GOLGA1: variants seen among roughly 807,000 people sequenced by gnomAD.
GOLGA1 encodes the protein golgin subfamily A member 1.
A neutral mutation model predicts 119.7 loss-of-function variants in GOLGA1; 63 were observed. That is an observed-to-expected ratio of 0.53 (90% CI 0.43 to 0.65). GOLGA1 has a LOEUF of 0.65. GOLGA1 is among the 30% of genes least tolerant of loss of function. The pLI is 0.00. For synonymous variants in GOLGA1, 318 were observed against 333.4 expected (o/e 0.95, Z 0.50); for missense variants, 798 against 912.8 (o/e 0.87, Z 1.62).
rs1271196968 is a variant in GOLGA1, at chr9:124,900,543, C to G, written c.1070G>C (p.Arg357Thr). ...GGCCTGCAAGGTCTGCTCCAGTTCT[C>G]TCACCTGAGAGGGAAGCAGAAGCAT... ...KAINTLETRV[R>T]ELEQTLQASE... The change falls in exon 13 of 23, where the codon AGA (arginine) becomes ACA (threonine). Residue 357 changes from arginine to threonine, a missense_variant. Coordinates refer to ENST00000373555, the MANE Select transcript of GOLGA1 (RefSeq NM_002077.4). 2.6e-6 allele frequency: 4 copies of G among 1,533,584 alleles called. No individual in the cohort carries two copies. In the African/African-American group the frequency reaches 5.5e-5, roughly 21 times the overall value. The allele number at this position is 1,533,584 out of a possible 1,614,324, so 95.0% of individuals were successfully genotyped here.
At position 124,898,568 on chromosome 9, in the gene GOLGA1, A is replaced by G; in HGVS notation, c.1388T>C (p.Phe463Ser). ...AAATACCTTCAGCTTCTTTAGTTCA[A>G]ATTGGTGATTTTGTAAAGAACGTTC... is the stretch of plus-strand genomic sequence containing the variant. ...EYERSLQNHQ[F>S]ELKKLKEEWS... The change falls in exon 15 of 23, where the codon TTT (phenylalanine) becomes TCT (serine). Residue 463 changes from phenylalanine to serine, a missense_variant. Transcript: ENST00000373555. 1 of 1,594,986 alleles carries G rather than the reference A, an allele frequency of 6.3e-7. No homozygotes were observed. Among genetic ancestry groups the G allele is most frequent in the East Asian group, 2.2e-5 (1 of 44,766 alleles).
intron 8 of GOLGA1, 52 bp downstream of exon 8, chr9:124,923,043 A>G: frequency 1.6e-6 from 2 of 1,289,244 alleles, no homozygotes; most frequent in Non-Finnish European, 2.2e-6. Flanking sequence ...TAGTAAAATC[A>G]GAGTGAATAA....
At chr9:124,889,987 A>T (rs1315932779) in intron 16 of GOLGA1, among the ~76,000 whole-genome samples, 1 of 152,168 alleles carries the variant, frequency 6.6e-6, no homozygotes, top group Non-Finnish European at 1.5e-5. Context: ...CTTAACTAGA[A>T]GCTCTGGGGT....
chr9:124,886,002 G>A (rs946110779), intron 19 of GOLGA1, among the ~76,000 whole-genome samples: 4 of 152,226 alleles, frequency 2.6e-5, no homozygotes, highest in African/African-American at 9.7e-5. Flanking sequence ...TCTGCTAACA[G>A]CCTGGATGCT....
chr9:124,913,464 C>T (rs974906648), intron 10 of GOLGA1, among the ~76,000 whole-genome samples: 7 of 152,186 alleles, frequency 4.6e-5, no homozygotes, highest in Admixed American at 6.5e-5. Context: ...CTTACACTTC[C>T]GTTGCTCCAT....
chr9:124,898,963 A>G (rs963723316), intron 14 of GOLGA1, among the ~76,000 whole-genome samples: 12 of 152,104 alleles, frequency 7.9e-5, no homozygotes, highest in African/African-American at 2.9e-4. Flanking sequence ...TGGGAGGCTG[A>G]GGTGGGCAGA....
chr9:124,919,496 G>A (rs1830519059), intron 10 of GOLGA1, among the ~76,000 whole-genome samples: 1 of 152,194 alleles, frequency 6.6e-6, no homozygotes, highest in Non-Finnish European at 1.5e-5. Context: ...AGGCAGCAAA[G>A]TGCAGTAGAA....
intron 20 of GOLGA1, among the ~76,000 whole-genome samples, chr9:124,882,194 G>A (rs536343067): frequency 2.6e-5 from 4 of 152,238 alleles, no homozygotes; most frequent in Non-Finnish European, 4.4e-5. Flanking sequence ...CTCGCATCCC[G>A]CATCAGGCCA....
intron 16 of GOLGA1, 73 bp from the exon 17 acceptor site, chr9:124,889,609 C>T: frequency 1.0e-6 from 1 of 995,712 alleles, no homozygotes; most frequent in Non-Finnish European, 1.6e-6. Context: ...TCTCCACTTC[C>T]CCGCTCTCCA....
In GOLGA1 at chr9:124,881,069, G is replaced by T. The variant is rs1829567940; in HGVS notation, c.2223+102C>A. 2.7e-6 allele frequency: 2 copies of T among 747,870 alleles called. No homozygotes were observed. Among genetic ancestry groups the T allele is most frequent in the East Asian group, 4.9e-5 (2 of 40,782 alleles). 46.3% of individuals were successfully genotyped at this position (747,870 alleles called of 1,614,324 possible). On this transcript the variant is annotated intron_variant, in intron 22 of 22. Coordinates refer to ENST00000373555, the MANE Select transcript of GOLGA1 (RefSeq NM_002077.4). The surrounding 1 kb of genome is among the most constrained non-coding windows in gnomAD (Gnocchi z 4.9). Reference sequence around the variant, plus strand: ...CCAAGCTGATCATGCAGCTGTGCTGGTGCCTACACTCGGGTGTGGGTCTAA... The same window carrying T: ...CCAAGCTGATCATGCAGCTGTGCTGTTGCCTACACTCGGGTGTGGGTCTAA...
Position 124,937,759 on chromosome 9 carries a change from T to C in GOLGA1, c.135+818A>G, listed in dbSNP as rs148046586. On this transcript the variant is annotated intron_variant, in intron 3 of 22. Transcript: ENST00000373555. Reference sequence around the variant, plus strand: ...AGCAACATCTTCATTTTTTGAAATCTTATAGTCACAAATGTATTTTACTAA... The same window carrying C: ...AGCAACATCTTCATTTTTTGAAATCCTATAGTCACAAATGTATTTTACTAA... 5.1e-3 allele frequency among the ~76,000 whole-genome samples: 773 copies of C among 152,262 alleles called. 17 individuals carry two copies. The highest frequency in any genetic ancestry group is 0.045 in the Admixed American group (685 of 15,294).
At position 124,900,465 on chromosome 9, in the gene GOLGA1, T is replaced by C. The variant is rs373075917; in HGVS notation, c.1148A>G (p.Gln383Arg). ...ATAAGCACTTACGAGCTCCTGTATC[T>C]GAGTTTCCTGGGCAGCCACAATGCC... ...SKGIVAAQET[Q>R]IQELAAANQE... Residue 383 changes from glutamine (Q) to arginine (R), a missense_variant, in exon 13 of 23, where the codon CAG (glutamine) becomes CGG (arginine). Gln to Arg is a conservative substitution (Grantham distance 43, BLOSUM62 1). Coordinates refer to ENST00000373555, the MANE Select transcript of GOLGA1 (RefSeq NM_002077.4). The C allele has an allele frequency of 6.4e-6, 10 of 1,557,892 alleles. No homozygotes were observed. In the African/African-American group the frequency reaches 1.1e-4, roughly 17 times the overall value.
chr9:124,918,363 T>A (rs1830493880), intron 10 of GOLGA1, among the ~76,000 whole-genome samples: 2 of 152,208 alleles, frequency 1.3e-5, no homozygotes, highest in African/African-American at 4.8e-5. Context: ...AAAGCTCAAC[T>A]AATATTTTTA....
intron 3 of GOLGA1, among the ~76,000 whole-genome samples, chr9:124,935,584 C>G (rs1172173104): frequency 1.3e-5 from 2 of 151,974 alleles, no homozygotes; most frequent in East Asian, 3.9e-4. Flanking sequence ...ATTGCCTGAA[C>G]TCAGGAGTTC....
At chr9:124,903,474 T>C (rs185285492) in intron 12 of GOLGA1, among the ~76,000 whole-genome samples, 1 of 149,218 alleles carries the variant, frequency 6.7e-6, no homozygotes, top group East Asian at 2.0e-4. Flanking sequence ...CGAGATTTTG[T>C]CTAAAAAAAA....
upstream of GOLGA1, chr9:124,945,477 C>G (rs1831131154): frequency 6.6e-6 from 1 of 152,126 alleles, no homozygotes; most frequent in Non-Finnish European, 1.5e-5. Context: ...ATCTCTTGAA[C>G]CCAGGAGGCG....
chr9:124,935,778 A>G (rs28406629), intron 3 of GOLGA1, among the ~76,000 whole-genome samples: 30 of 152,018 alleles, frequency 2.0e-4, no homozygotes, highest in African/African-American at 3.6e-4. Context: ...AAAAAAAAAA[A>G]AAAGAAAGAA....
intron 15 of GOLGA1, among the ~76,000 whole-genome samples, chr9:124,892,127 G>A (rs987115726): frequency 3.9e-5 from 6 of 152,116 alleles, no homozygotes; most frequent in African/African-American, 1.4e-4. Context: ...GCTAATTTTT[G>A]TATTTTTAGT....
In GOLGA1 at chr9:124,921,105, G is replaced by A. The variant is rs112846631; in HGVS notation, c.843+24C>T. On this transcript the variant is annotated intron_variant, in intron 10 of 22. Coordinates refer to ENST00000373555, the MANE Select transcript of GOLGA1 (RefSeq NM_002077.4). ...GTTTTTATGAATCTTAGAAATCCAGGTCTTCTCCTCATATTCTACTTACCT... is the reference window on the plus strand; with the variant it reads ...GTTTTTATGAATCTTAGAAATCCAGATCTTCTCCTCATATTCTACTTACCT... 9.5e-4 allele frequency: 1,245 copies of A among 1,307,482 alleles called. 7 individuals are homozygous for A. Among genetic ancestry groups the A allele is most frequent in the Middle Eastern group, 8.0e-3 (44 of 5,510 alleles). The allele number at this position is 1,307,482 out of a possible 1,614,324, so 81.0% of individuals were successfully genotyped here. A position where few individuals can be genotyped will look rare whatever the true frequency, so the allele number is the denominator to read the frequency against.
Sources: allele counts gnomAD v4.1 joint callset (sites outside exome capture counted in the v4.1 genomes callset), GRCh38; gene constraint gnomAD v4.1.1; non-coding constraint Gnocchi (gnomAD v3.1); transcripts MANE v1.5; gene names NCBI Gene and HGNC (gene_info 2026-07-23, HGNC 2026-07-21).